Variants in SLC12A8 observed in about 807,000 individuals in gnomAD.
SLC12A8 encodes solute carrier family 12 member 8.
In SLC12A8, 69 loss-of-function variants were observed where a neutral mutation model predicts 75.6. The observed-to-expected ratio is 0.91, with a 90% CI of 0.75 to 1.11. The LOEUF is 1.11. Among genes scored for constraint, SLC12A8 ranks in the 50% most tolerant of loss-of-function variants. The pLI, the probability that SLC12A8 is intolerant of heterozygous loss-of-function variation, is 0.00. For synonymous variants in SLC12A8, 365 were observed against 372.8 expected (o/e 0.98, Z 0.24); for missense variants, 877 against 896.7 (o/e 0.98, Z 0.28).
chr3:125,126,522 C>A (rs980153399), intron 6 of SLC12A8, among the ~76,000 whole-genome samples: 2 of 152,198 alleles, frequency 1.3e-5, no homozygotes, highest in Non-Finnish European at 2.9e-5. Flanking sequence ...CCTGAATCAC[C>A]CAGTGGCACA....
At chr3:125,110,957 G>C (rs1280406497) in intron 8 of SLC12A8, among the ~76,000 whole-genome samples, 1 of 152,140 alleles carries the variant, frequency 6.6e-6, no homozygotes, top group Non-Finnish European at 1.5e-5. Flanking sequence ...TTTTCTGTCT[G>C]TAGGAAGCCT....
intron 5 of SLC12A8, among the ~76,000 whole-genome samples, chr3:125,163,828 C>T (rs975076597): frequency 2.6e-5 from 4 of 152,156 alleles, no homozygotes; most frequent in South Asian, 4.1e-4. Flanking sequence ...GGGCTGGGGC[C>T]GAGCAGCTGG....
intron 2 of SLC12A8, among the ~76,000 whole-genome samples, chr3:125,195,687 C>T (rs889582428): frequency 6.6e-6 from 1 of 151,986 alleles, no homozygotes; most frequent in East Asian, 1.9e-4. Flanking sequence ...TGGCTCAGCC[C>T]GCAGAGTGGC....
At chr3:125,200,791 G>C (rs986128084) in intron 2 of SLC12A8, among the ~76,000 whole-genome samples, 3 of 152,104 alleles carry the variant, frequency 2.0e-5, no homozygotes, top group Non-Finnish European at 2.9e-5. Flanking sequence ...AATTAAAAAG[G>C]AAAGTGACTC....
At chr3:125,174,474 A>G (rs1398699032) in intron 5 of SLC12A8, among the ~76,000 whole-genome samples, 1 of 152,236 alleles carries the variant, frequency 6.6e-6, no homozygotes, top group African/African-American at 2.4e-5. Flanking sequence ...ACAATGATGC[A>G]TCTAGGTATT....
At chr3:125,151,974 A>G (rs1308136660) in intron 5 of SLC12A8, among the ~76,000 whole-genome samples, 1 of 152,226 alleles carries the variant, frequency 6.6e-6, no homozygotes, top group Non-Finnish European at 1.5e-5. Flanking sequence ...TAGAGGAGGA[A>G]ACTGACGCTT....
intron 2 of SLC12A8, among the ~76,000 whole-genome samples, chr3:125,196,507 A>G (rs1405830522): frequency 1.3e-5 from 2 of 152,244 alleles, no homozygotes; most frequent in Non-Finnish European, 2.9e-5. Flanking sequence ...GAAATAAGAG[A>G]AGAATAACCC....
intron 8 of SLC12A8, among the ~76,000 whole-genome samples, chr3:125,118,030 C>T (rs911661545): frequency 2.6e-5 from 4 of 152,398 alleles, no homozygotes; most frequent in Admixed American, 2.0e-4. Context: ...GCTCCCTCCA[C>T]GTCTGCCTGT....
rs575503916 is a variant in SLC12A8, at chr3:125,202,607, G to A, written c.51+8692C>T. 4.0e-5 allele frequency among the ~76,000 whole-genome samples: 6 copies of A among 150,788 alleles called. No homozygotes were observed. The East Asian group carries it at 1.2e-3, about 30-fold the overall frequency. On this transcript the variant is annotated intron_variant, in intron 2 of 13. Coordinates refer to ENST00000469902, the MANE Select transcript of SLC12A8 (RefSeq NM_024628.6). The stretch of plus-strand genomic sequence containing the variant: ...AAGTTACCTAGTCCCTCTATTCATA[G>A]CTAGGCGGAATGTATTAACCATGTT...
chr3:125,094,058 T>A (rs1435922837), intron 10 of SLC12A8, among the ~76,000 whole-genome samples: 1 of 152,194 alleles, frequency 6.6e-6, no homozygotes, highest in Non-Finnish European at 1.5e-5. Flanking sequence ...TTTCTTTCAC[T>A]CATCCCAACT....
chr3:125,194,210 G>C (rs1024653038), intron 2 of SLC12A8, among the ~76,000 whole-genome samples: 4 of 152,212 alleles, frequency 2.6e-5, no homozygotes, highest in African/African-American at 9.6e-5. Flanking sequence ...AGGTTCCAGG[G>C]GTGCGGCGAC....
At chr3:125,143,431 C>A (rs1170661712) in intron 5 of SLC12A8, among the ~76,000 whole-genome samples, 2 of 152,206 alleles carry the variant, frequency 1.3e-5, no homozygotes, top group Non-Finnish European at 2.9e-5. Context: ...TGGGCGTGAG[C>A]CTGGAGTCTT....
chr3:125,110,547 T>C (rs1040128815), intron 8 of SLC12A8: 1 of 413,090 alleles, frequency 2.4e-6, no homozygotes, highest in Admixed American at 3.9e-5. Context: ...GATTGCACAG[T>C]GGTCCTCAAA....
chr3:125,141,725 C>A (rs532127632), intron 5 of SLC12A8, among the ~76,000 whole-genome samples: 9 of 152,218 alleles, frequency 5.9e-5, no homozygotes, highest in Admixed American at 2.6e-4. Flanking sequence ...GCGGGGGCTT[C>A]CGGCGGCGCT....
At chr3:125,166,131 C>A (rs1043317873) in intron 5 of SLC12A8, among the ~76,000 whole-genome samples, 2 of 152,164 alleles carry the variant, frequency 1.3e-5, no homozygotes, top group East Asian at 3.8e-4. Context: ...GGGCGCTTTA[C>A]CCCAGCCCTG....
intron 5 of SLC12A8, among the ~76,000 whole-genome samples, chr3:125,142,115 C>T (rs980025446): frequency 5.9e-5 from 9 of 152,226 alleles, no homozygotes; most frequent in East Asian, 1.9e-4. Context: ...TCGCCAGACG[C>T]GGCCTCACGG....
intron 1 of SLC12A8, among the ~76,000 whole-genome samples, chr3:125,211,873 TGGAGCAGGGCC>T (rs1488855597): frequency 6.6e-6 from 1 of 152,086 alleles, no homozygotes; most frequent in Non-Finnish European, 1.5e-5. Flanking sequence ...GGGGCCCTTC[TGGAGCAGGGCC>T]GGAGAAGGGT....
chr3:125,136,916 C>G (rs188693733), intron 5 of SLC12A8, among the ~76,000 whole-genome samples: 1 of 152,190 alleles, frequency 6.6e-6, no homozygotes, highest in East Asian at 1.9e-4. Flanking sequence ...GGATATTCAG[C>G]CTCTGCTTCT....
intron 6 of SLC12A8, among the ~76,000 whole-genome samples, chr3:125,133,912 C>G (rs558204430): frequency 6.6e-6 from 1 of 152,066 alleles, no homozygotes; most frequent in Non-Finnish European, 1.5e-5. Context: ...TCCTTCTGCA[C>G]TTTAGTAATC....
Sources: allele counts gnomAD v4.1 joint callset (sites outside exome capture counted in the v4.1 genomes callset), GRCh38; gene constraint gnomAD v4.1.1; transcripts MANE v1.5; gene names NCBI Gene and HGNC (gene_info 2026-07-23, HGNC 2026-07-21).